The following NOL10 variants were observed in gnomAD, a reference collection of about 807,000 sequenced individuals.
NOL10 encodes nucleolar protein 10.
A neutral mutation model predicts 103.5 loss-of-function variants in NOL10; 58 were observed. The observed-to-expected ratio is 0.56, with a 90% CI of 0.45 to 0.70. NOL10 has a LOEUF of 0.70. Among genes scored for constraint, NOL10 ranks in the 30% least tolerant of loss-of-function variants. NOL10 has a pLI of 0.00. For synonymous variants in NOL10, 287 were observed against 282.5 expected (o/e 1.02, Z -0.16); for missense variants, 763 against 807.3 (o/e 0.95, Z 0.67).
chr2:10,610,384 C>T (rs530376697), intron 13 of NOL10, among the ~76,000 whole-genome samples: 10 of 152,186 alleles, frequency 6.6e-5, no homozygotes, highest in Non-Finnish European at 1.5e-4. Context: ...TTTAAATTGC[C>T]TGTCAGGGGA....
intron 13 of NOL10, among the ~76,000 whole-genome samples, chr2:10,630,037 C>T (rs1416331325): frequency 6.6e-6 from 1 of 152,212 alleles, no homozygotes; most frequent in Non-Finnish European, 1.5e-5. Flanking sequence ...GATCCTCCCA[C>T]CTCATCCTCC....
intron 1 of NOL10, among the ~76,000 whole-genome samples, chr2:10,689,308 T>C (rs56914795): frequency 0.015 from 2,250 of 152,280 alleles, 68 homozygotes; most frequent in African/African-American, 0.051. Context: ...GTTCAACAAG[T>C]CTCGAAAATA....
At chr2:10,626,266 T>C (rs1015202416) in intron 13 of NOL10, among the ~76,000 whole-genome samples, 4 of 152,150 alleles carry the variant, frequency 2.6e-5, no homozygotes, top group African/African-American at 9.7e-5. Flanking sequence ...TGAAAGCCTA[T>C]GAAGTATAAG....
At chr2:10,651,374 T>G (rs996239361) in intron 12 of NOL10, among the ~76,000 whole-genome samples, 1 of 152,210 alleles carries the variant, frequency 6.6e-6, no homozygotes, top group African/African-American at 2.4e-5. Context: ...GGAAAGAGCA[T>G]GTGAACCACA....
Position 10,589,031 on chromosome 2 carries a change from A to C in NOL10, c.1844+12T>G. The C allele has an allele frequency of 6.2e-7, 1 of 1,613,062 alleles. No individual in the cohort carries two copies. Among genetic ancestry groups the C allele is most frequent in the Non-Finnish European group, 8.5e-7 (1 of 1,179,742 alleles). The stretch of plus-strand genomic sequence containing the variant: ...TTACATGTCAACTGTGCGCTCAGGC[A>C]GTGCTACTCACTTCATCAGTTTCTG... On this transcript the variant is annotated intron_variant, in intron 19 of 20. Transcript: ENST00000381685.
intron 3 of NOL10, among the ~76,000 whole-genome samples, chr2:10,678,419 G>T (rs1054694165): frequency 7.6e-6 from 1 of 132,040 alleles, no homozygotes; most frequent in African/African-American, 2.7e-5. Flanking sequence ...GGAAAAAAGT[G>T]GTAAAAAAAA....
At chr2:10,674,583 T>C (rs1039852182) in intron 4 of NOL10, among the ~76,000 whole-genome samples, 1 of 151,866 alleles carries the variant, frequency 6.6e-6, no homozygotes, top group African/African-American at 2.4e-5. Flanking sequence ...CTCATGCCTG[T>C]AATCCCAGCA....
chr2:10,679,618 CTT>C (rs963800844), intron 3 of NOL10, among the ~76,000 whole-genome samples: 14 of 142,914 alleles, frequency 9.8e-5, no homozygotes, highest in African/African-American at 2.5e-4. Context: ...CTTTCTCTCT[CTT>C]TCTCTCTCTT....
intron 13 of NOL10, among the ~76,000 whole-genome samples, chr2:10,635,260 A>ATT (rs983134405): frequency 6.6e-6 from 1 of 152,232 alleles, no homozygotes; most frequent in African/African-American, 2.4e-5. Context: ...GGCACTCAAA[A>ATT]GAGTTTTAAA....
rs1275911292 is a variant in NOL10 at position 10,639,208 on chromosome 2, G to C, written c.1026+5112C>G. 3.9e-5 allele frequency among the ~76,000 whole-genome samples: 6 copies of C among 152,062 alleles called. No homozygotes were observed. The East Asian group carries it at 1.2e-3, about 30-fold the overall frequency. On this transcript the variant is annotated intron_variant, in intron 13 of 20. Transcript: ENST00000381685. ...GAGGCCGAGGCAGGCGGATCACAAG[G>C]TCAGGAGATCAAGACTATCCTGGCT...
chr2:10,620,029 G>A (rs1049843247), intron 13 of NOL10, among the ~76,000 whole-genome samples: 5 of 152,090 alleles, frequency 3.3e-5, no homozygotes, highest in Non-Finnish European at 5.9e-5. Context: ...AAGGCACTAC[G>A]CCAATTTTTT....
chr2:10,679,616 CTCTT>C (rs1341964130), intron 3 of NOL10, among the ~76,000 whole-genome samples: 3 of 142,968 alleles, frequency 2.1e-5, no homozygotes, highest in Admixed American at 7.0e-5. Flanking sequence ...CTCTTTCTCT[CTCTT>C]TCTCTCTCTT....
chr2:10,575,652 A>T (rs1674417091), intron 20 of NOL10, among the ~76,000 whole-genome samples: 1 of 152,136 alleles, frequency 6.6e-6, no homozygotes, highest in South Asian at 2.1e-4. Flanking sequence ...GTACCTCCCG[A>T]TTTAGAAACA....
chr2:10,598,183 C>T (rs1027652318), intron 17 of NOL10, among the ~76,000 whole-genome samples: 1 of 152,158 alleles, frequency 6.6e-6, no homozygotes, highest in Non-Finnish European at 1.5e-5. Flanking sequence ...CTTTAGTCCA[C>T]AAATCCCTAC....
At chr2:10,611,371 C>A (rs571739441) in intron 13 of NOL10, among the ~76,000 whole-genome samples, 2 of 152,178 alleles carry the variant, frequency 1.3e-5, no homozygotes, top group Non-Finnish European at 2.9e-5. Flanking sequence ...ATGCCATGTG[C>A]CCAAGATGAT....
chr2:10,631,172 T>A (rs892692551), intron 13 of NOL10, among the ~76,000 whole-genome samples: 1 of 152,192 alleles, frequency 6.6e-6, no homozygotes, highest in South Asian at 2.1e-4. Context: ...GGCAAAGAGA[T>A]CTCTTACTGG....
intron 6 of NOL10, among the ~76,000 whole-genome samples, chr2:10,671,347 G>A (rs1472993184): frequency 6.6e-6 from 1 of 151,044 alleles, no homozygotes; most frequent in East Asian, 1.9e-4. Context: ...ACAGTATATG[G>A]TACTTATAAG....
intron 12 of NOL10, among the ~76,000 whole-genome samples, chr2:10,653,303 T>C (rs1245920505): frequency 1.3e-5 from 2 of 152,064 alleles, no homozygotes; most frequent in Non-Finnish European, 2.9e-5. Flanking sequence ...GTGCAGATGA[T>C]TTTGATGGGA....
intron 19 of NOL10, 44 bp downstream of exon 19, chr2:10,588,999 G>A (rs1558272299): frequency 6.2e-7 from 1 of 1,602,308 alleles, no homozygotes. Flanking sequence ...GAAAAGCAAG[G>A]GCTTGGTTAC....
Sources: allele counts gnomAD v4.1 joint callset (sites outside exome capture counted in the v4.1 genomes callset), GRCh38; gene constraint gnomAD v4.1.1; transcripts MANE v1.5; gene names NCBI Gene and HGNC (gene_info 2026-07-23, HGNC 2026-07-21).